The following SP2 variants were observed in gnomAD, a reference collection of about 807,000 sequenced individuals.
SP2 encodes the protein transcription factor Sp2.
SP2 carries 9 observed loss-of-function variants against 50.1 expected under a neutral mutation model. The ratio of observed to expected loss-of-function variants is 0.18; its 90% CI spans 0.11 to 0.31. The LOEUF is 0.31. Ranked by LOEUF, SP2 falls within the 10% of genes least tolerant of loss-of-function variation. The pLI, the probability that SP2 is intolerant of heterozygous loss-of-function variation, is 1.00. For synonymous variants in SP2, 313 were observed against 326.6 expected (o/e 0.96, Z 0.45); for missense variants, 581 against 806.5 (o/e 0.72, Z 3.39).
intron 1 of SP2, 65 bp from the exon 2 acceptor site, chr17:47,915,247 A>T: frequency 2.2e-5 from 24 of 1,084,798 alleles, no homozygotes; most frequent in Non-Finnish European, 3.1e-5. Context: ...AGAAAATCTG[A>T]GGCAAGTGGG....
At chr17:47,897,762 A>C in intron 1 of SP2, 1 of 594,520 alleles carries the variant, frequency 1.7e-6, no homozygotes, top group Non-Finnish European at 2.1e-6. Context: ...GTCTGCAATA[A>C]TGAATATAAC....
At chr17:47,909,124 T>G (rs2034880479) in intron 1 of SP2, among the ~76,000 whole-genome samples, 1 of 152,212 alleles carries the variant, frequency 6.6e-6, no homozygotes, top group Non-Finnish European at 1.5e-5. Flanking sequence ...TGCTGCTGTC[T>G]TCTGAACAAG....
chr17:47,903,896 G>A (rs1209752116), intron 1 of SP2, among the ~76,000 whole-genome samples: 2 of 152,224 alleles, frequency 1.3e-5, no homozygotes, highest in Admixed American at 1.3e-4. Flanking sequence ...CCCGGGAGAC[G>A]GAGGTTGCAG....
At chr17:47,896,487 G>T (rs1226438605) in intron 1 of SP2, 194 bp downstream of exon 1, 12 of 445,630 alleles carry the variant, frequency 2.7e-5, no homozygotes, top group Middle Eastern at 1.2e-3. Context: ...CCAGCCGGGC[G>T]GAGGCACCCG....
chr17:47,925,719 T>G (rs566639968), intron 6 of SP2, among the ~76,000 whole-genome samples, 178 bp downstream of exon 6: 2 of 152,168 alleles, frequency 1.3e-5, no homozygotes, highest in Non-Finnish European at 2.9e-5. Flanking sequence ...CTGTTATCAC[T>G]GTTGTTTCCC....
intron 1 of SP2, among the ~76,000 whole-genome samples, chr17:47,896,667 C>T (rs781101463): frequency 6.6e-6 from 1 of 152,250 alleles, no homozygotes; most frequent in South Asian, 2.1e-4. Flanking sequence ...TGGGTCGGCT[C>T]TGAGGAGGCA....
chr17:47,930,761 A>G, downstream of SP2, among the ~76,000 whole-genome samples: 1 of 152,096 alleles, frequency 6.6e-6, no homozygotes, highest in Non-Finnish European at 1.5e-5. Flanking sequence ...GTGCAGCTCA[A>G]GGGTAGGGGC....
At chr17:47,903,417 G>A (rs2034621671) in intron 1 of SP2, among the ~76,000 whole-genome samples, 1 of 152,124 alleles carries the variant, frequency 6.6e-6, no homozygotes, top group Non-Finnish European at 1.5e-5. Flanking sequence ...TGTAATCCCA[G>A]CACTTTGGGA....
chr17:47,923,820 GCCT>G (rs2035552153), intron 4 of SP2, among the ~76,000 whole-genome samples: 1 of 151,650 alleles, frequency 6.6e-6, no homozygotes, highest in African/African-American at 2.4e-5. Context: ...CTCTGCTTCA[GCCT>G]CCCGAGTAGC....
chr17:47,906,752 G>A (rs1278263263), intron 1 of SP2, among the ~76,000 whole-genome samples: 4 of 152,166 alleles, frequency 2.6e-5, no homozygotes, highest in African/African-American at 2.4e-5. Context: ...CAAAGCTGTC[G>A]CTCAGTGCCC....
intron 1 of SP2, among the ~76,000 whole-genome samples, chr17:47,911,011 A>G (rs972807220): frequency 5.3e-5 from 8 of 151,916 alleles, no homozygotes; most frequent in African/African-American, 1.9e-4. Context: ...GGATTGCTTG[A>G]GCCCAGGAGT....
Position 47,896,266 on chromosome 17 carries a change from GC to G in SP2, c.-19del. On this transcript the variant is annotated 5_prime_UTR_variant, in exon 1 of 7. Coordinates refer to ENST00000376741, the MANE Select transcript of SP2 (RefSeq NM_003110.6). Reference sequence around the variant, plus strand: ...CTCGGTGGCGGCGGAGGCGGCGGAGGCCAGGGAGGAAGATGTCGTAATGAGC... The same window carrying G: ...CTCGGTGGCGGCGGAGGCGGCGGAGGCAGGGAGGAAGATGTCGTAATGAGC... 8.1e-7 allele frequency: 1 copy of G among 1,237,720 alleles called. No individual in the cohort carries two copies. Among genetic ancestry groups the G allele is most frequent in the Non-Finnish European group, 1.0e-6 (1 of 988,136 alleles). 76.7% of individuals were successfully genotyped at this position (1,237,720 alleles called of 1,614,324 possible). A position where few individuals can be genotyped will look rare whatever the true frequency, so the allele number is the denominator to read the frequency against.
At chr17:47,927,599 G>A in intron 6 of SP2, 125 bp from the exon 7 acceptor site, 1 of 606,386 alleles carries the variant, frequency 1.6e-6, no homozygotes, top group Non-Finnish European at 3.0e-6. Context: ...AGCAGGAGGT[G>A]GGCAGAATGT....
chr17:47,930,638 C>T (rs1293869929), downstream of SP2, among the ~76,000 whole-genome samples: 2 of 152,174 alleles, frequency 1.3e-5, no homozygotes, highest in Non-Finnish European at 2.9e-5. Context: ...TTAACCTATC[C>T]ATTATTTGAG....
chr17:47,931,355 GA>G (rs985065421), downstream of SP2, among the ~76,000 whole-genome samples: 1 of 151,634 alleles, frequency 6.6e-6, no homozygotes, highest in Non-Finnish European at 1.5e-5. Flanking sequence ...TCAAAAAAAA[GA>G]AAAAAAATCA....
chr17:47,904,262 CAA>C (rs71366804), intron 1 of SP2, among the ~76,000 whole-genome samples: 41 of 99,644 alleles, frequency 4.1e-4, no homozygotes, highest in Admixed American at 6.3e-4. Flanking sequence ...GACTCTGTCC[CAA>C]AAAAAAAAAA....
At chr17:47,919,044 A>G (rs567533777) in intron 3 of SP2, among the ~76,000 whole-genome samples, 2 of 151,994 alleles carry the variant, frequency 1.3e-5, no homozygotes, top group Non-Finnish European at 2.9e-5. Context: ...CACACACACA[A>G]AATCAGACAT....
chr17:47,907,153 C>T (rs191509967), intron 1 of SP2, among the ~76,000 whole-genome samples: 1 of 152,004 alleles, frequency 6.6e-6, no homozygotes, highest in Admixed American at 6.6e-5. Flanking sequence ...CCTAATGCTG[C>T]CGGGAAATGA....
rs1165732594 is a variant in SP2, at chr17:47,923,067, T to TC, written c.1168dup (p.Arg390ProfsTer149). 6.2e-7 allele frequency: 1 copy of TC among 1,614,070 alleles called. No homozygotes were observed. The highest frequency in any genetic ancestry group is 8.5e-7 in the Non-Finnish European group (1 of 1,180,040). On this transcript the variant is annotated frameshift_variant, in exon 4 of 7. Coordinates refer to ENST00000376741, the MANE Select transcript of SP2 (RefSeq NM_003110.6). LOFTEE classifies it high-confidence loss of function. ...TAACACCACCTGTAGCAGCCCTGCATCCCGTGCTCCCCATCTGAGTGGGAC... is the reference window on the plus strand; with the variant it reads ...TAACACCACCTGTAGCAGCCCTGCATCCCCGTGCTCCCCATCTGAGTGGGAC...
Sources: allele counts gnomAD v4.1 joint callset (sites outside exome capture counted in the v4.1 genomes callset), GRCh38; gene constraint gnomAD v4.1.1; transcripts MANE v1.5; gene names NCBI Gene and HGNC (gene_info 2026-07-23, HGNC 2026-07-21).